Variants in ROS1 observed in about 807,000 individuals in gnomAD.
ROS1 encodes the protein ROS proto-oncogene 1, receptor tyrosine kinase.
Under a neutral mutation model 273.5 loss-of-function variants are expected in ROS1, and 263 were observed. That is an observed-to-expected ratio of 0.96 (90% confidence interval 0.87 to 1.06). The LOEUF is 1.06. ROS1 is among the 50% of genes least tolerant of loss of function. The pLI is 0.00. For synonymous variants in ROS1, 1,008 were observed against 954.1 expected, an observed-to-expected ratio of 1.06 and a Z score of -1.04; for missense variants, 2,833 against 2,751.1, an observed-to-expected ratio of 1.03 and a Z score of -0.67.
Position 117,326,348 on chromosome 6 carries a change from G to T in ROS1, c.5415C>A (p.Cys1805Ter), listed in dbSNP as rs775276256. Residue 1805 changes from cysteine (C) to a stop codon, truncating the protein, a stop_gained, in exon 34 of 44, where the codon TGC becomes TGA. Transcript: ENST00000368507. LOFTEE classifies it high-confidence loss of function. ...TGGACTTCCATGTGCAAACACTACT[G>T]CAGGATCCATTAAATGTCATCTTCC... The part of the protein sequence containing the change: ...LRWKMTFNGS[C>*]SSVCTWKSKN... 6.3e-7 allele frequency: 1 copy of T among 1,590,686 alleles called. No homozygotes were observed. The highest frequency in any genetic ancestry group is 2.3e-5 in the East Asian group (1 of 43,164).
intron 17 of ROS1, among the ~76,000 whole-genome samples, chr6:117,380,424 A>G (rs1772032576): frequency 6.6e-6 from 1 of 152,082 alleles, no homozygotes; most frequent in Non-Finnish European, 1.5e-5. Flanking sequence ...CAGAAGGTAA[A>G]AATGTATTCT....
At chr6:117,403,001 G>A in intron 7 of ROS1, 138 bp downstream of exon 7, 1 of 876,948 alleles carries the variant, frequency 1.1e-6, no homozygotes, top group South Asian at 1.6e-5. Flanking sequence ...ATACTACCTG[G>A]CACATAGTTA....
intron 42 of ROS1, among the ~76,000 whole-genome samples, chr6:117,303,585 A>G (rs1774897470): frequency 6.6e-6 from 1 of 152,144 alleles, no homozygotes; most frequent in Non-Finnish European, 1.5e-5. Flanking sequence ...AAAGGATGAG[A>G]TGAGATCAGA....
rs367995829 is a variant in ROS1, at chr6:117,303,382, CT to C, written c.6552-2246del. Reference sequence around the variant, plus strand: ...TTGGAAAGTTGCTTACAGAAGGCCCCTCTCCAGAGGTGACATTTAAGCCAAA... The same window carrying C: ...TTGGAAAGTTGCTTACAGAAGGCCCCCTCCAGAGGTGACATTTAAGCCAAA... On this transcript the variant is annotated intron_variant, in intron 42 of 43. Coordinates refer to ENST00000368507, the MANE Select transcript of ROS1 (RefSeq NM_001378902.1). Among the ~76,000 whole-genome samples the C allele has an allele frequency of 2.5e-3, 384 of 152,286 alleles. 5 individuals carry two copies. In the Middle Eastern group the frequency reaches 0.027, roughly 11 times the overall value.
chr6:117,332,013 C>A (rs139571903), intron 32 of ROS1, among the ~76,000 whole-genome samples: 2 of 152,224 alleles, frequency 1.3e-5, no homozygotes, highest in African/African-American at 4.8e-5. Flanking sequence ...TGTAAAGGGG[C>A]TAAATGCCCC....
chr6:117,400,991 T>C (rs766553834), intron 7 of ROS1, among the ~76,000 whole-genome samples: 1 of 152,216 alleles, frequency 6.6e-6, no homozygotes, highest in Non-Finnish European at 1.5e-5. Context: ...GACGATTTTA[T>C]CTAGGAAAGC....
chr6:117,416,444 A>C lies in ROS1; in HGVS notation c.169-127T>G, dbSNP rs1775340660. 1.1e-5 allele frequency: 7 copies of C among 662,436 alleles called. No individual in the cohort carries two copies. The East Asian group carries it at 1.6e-4, about 15-fold the overall frequency. 41.0% of individuals were successfully genotyped at this position (662,436 alleles called of 1,614,324 possible). A position where few individuals can be genotyped will look rare whatever the true frequency, so the allele number is the denominator to read the frequency against. ...TTTAGAAATAGAAACCTACCAAGAAACCTGAGGCCTCCAAAAGATCCAGGA... is the reference window on the plus strand; with the variant it reads ...TTTAGAAATAGAAACCTACCAAGAACCCTGAGGCCTCCAAAAGATCCAGGA... On this transcript the variant is annotated intron_variant, in intron 2 of 43. Transcript: ENST00000368507.
chr6:117,421,131 ATATC>A (rs1440342848), intron 1 of ROS1, among the ~76,000 whole-genome samples: 4 of 149,898 alleles, frequency 2.7e-5, no homozygotes, highest in South Asian at 4.2e-4. Context: ...GTGAGGTTGA[ATATC>A]TATCACATGC....
At chr6:117,293,604 A>C (rs1457347161) in intron 43 of ROS1, among the ~76,000 whole-genome samples, 1 of 152,154 alleles carries the variant, frequency 6.6e-6, no homozygotes, top group African/African-American at 2.4e-5. Context: ...TTTACAATAA[A>C]GATCTTTAAA....
At chr6:117,359,625 G>A (rs1779614677) in intron 24 of ROS1, among the ~76,000 whole-genome samples, 184 bp downstream of exon 24, 1 of 152,182 alleles carries the variant, frequency 6.6e-6, no homozygotes, top group South Asian at 2.1e-4. Context: ...TGCTAACTGA[G>A]TGTTGAATGA....
chr6:117,381,510 G>A (rs2128689445), intron 17 of ROS1, among the ~76,000 whole-genome samples: 1 of 152,060 alleles, frequency 6.6e-6, no homozygotes, highest in Non-Finnish European at 1.5e-5. Flanking sequence ...CCATTCCTGA[G>A]TTACTTTACT....
chr6:117,318,720 A>G (rs1431776284), intron 37 of ROS1, among the ~76,000 whole-genome samples: 1 of 152,128 alleles, frequency 6.6e-6, no homozygotes, highest in African/African-American at 2.4e-5. Flanking sequence ...TCAATGGCAT[A>G]TAAGAGAAAA....
At chr6:117,346,212 C>T (rs975644700) in intron 27 of ROS1, among the ~76,000 whole-genome samples, 3 of 151,718 alleles carry the variant, frequency 2.0e-5, no homozygotes, top group African/African-American at 7.3e-5. Flanking sequence ...GTTGAAGTGT[C>T]AGAAACATTA....
intron 21 of ROS1, among the ~76,000 whole-genome samples, chr6:117,364,821 A>G (rs1382647010): frequency 1.3e-5 from 2 of 152,210 alleles, no homozygotes; most frequent in Non-Finnish European, 2.9e-5. Context: ...TGCATCTTCT[A>G]CATCACTACA....
chr6:117,408,654 G>A (rs1774632309), intron 5 of ROS1, among the ~76,000 whole-genome samples: 3 of 152,196 alleles, frequency 2.0e-5, no homozygotes. Flanking sequence ...AAGTCAGTGT[G>A]GCGATTCCTT....
At chr6:117,352,594 GTAACAGAA>G (rs1778966596) in intron 27 of ROS1, among the ~76,000 whole-genome samples, 1 of 152,152 alleles carries the variant, frequency 6.6e-6, no homozygotes, top group African/African-American at 2.4e-5. Flanking sequence ...ATACTGCATA[GTAACAGAA>G]GTATGACCTG....
chr6:117,368,136 GT>G (rs1386245290), intron 18 of ROS1, among the ~76,000 whole-genome samples: 2 of 152,032 alleles, frequency 1.3e-5, no homozygotes, highest in African/African-American at 4.8e-5. Context: ...GTGTTTAGAG[GT>G]TTTTTTCCCC....
chr6:117,299,808 A>C (rs1246309429), intron 43 of ROS1, among the ~76,000 whole-genome samples: 1 of 152,238 alleles, frequency 6.6e-6, no homozygotes, highest in Admixed American at 6.5e-5. Context: ...GGCATACATA[A>C]CAGTAAATGT....
At chr6:117,302,693 C>T (rs1774825716) in intron 42 of ROS1, among the ~76,000 whole-genome samples, 1 of 152,166 alleles carries the variant, frequency 6.6e-6, no homozygotes, top group African/African-American at 2.4e-5. Context: ...AAAATGTTCA[C>T]CCAATATAGG....
Sources: gnomAD v4.1 joint callset for allele counts (sites outside exome capture counted in the v4.1 genomes callset) on GRCh38, gnomAD v4.1.1 for gene constraint, MANE v1.5 for transcripts, NCBI Gene and HGNC (gene_info 2026-07-23, HGNC 2026-07-21) for gene names.